The following ABCC4 variants were observed in gnomAD, a reference collection of about 807,000 sequenced individuals.
ABCC4 encodes ATP binding cassette subfamily C member 4 (PEL blood group), also known as ATP-binding cassette sub-family C member 4.
Under a neutral mutation model 168.5 loss-of-function variants are expected in ABCC4, and 102 were observed. The ratio of observed to expected loss-of-function variants is 0.61; its 90% CI spans 0.52 to 0.71. ABCC4 has a LOEUF of 0.71. Among genes scored for constraint, ABCC4 ranks in the 30% least tolerant of loss-of-function variants. ABCC4 has a pLI of 0.00. For missense variants in ABCC4, 1,402 were observed against 1,605.8 expected (o/e 0.87, Z 2.17); for synonymous variants, 617 against 590.7 (o/e 1.04, Z -0.65).
chr13:95,243,718 C>G (rs1035390690), intron 3 of ABCC4, among the ~76,000 whole-genome samples: 3 of 152,006 alleles, frequency 2.0e-5, no homozygotes, highest in Non-Finnish European at 4.4e-5. Context: ...AAAACCTCAT[C>G]TCTACTAAAA....
At chr13:95,226,669 A>T (rs1422068753) in intron 4 of ABCC4, among the ~76,000 whole-genome samples, 3 of 151,982 alleles carry the variant, frequency 2.0e-5, no homozygotes, top group Non-Finnish European at 2.9e-5. Flanking sequence ...CTCAATCTCT[A>T]CCCTTGCCAA....
intron 18 of ABCC4, 94 bp from the exon 19 acceptor site, chr13:95,161,429 A>C: frequency 9.9e-7 from 1 of 1,012,548 alleles, no homozygotes; most frequent in Non-Finnish European, 1.4e-6. Flanking sequence ...TAAAGATGTT[A>C]CTTAATTTAT....
rs186313698 is a variant in ABCC4 at position 95,138,758 on chromosome 13, C to G, written c.2455+22431G>C. 3.3e-5 allele frequency among the ~76,000 whole-genome samples: 5 copies of G among 152,368 alleles called. No individual in the cohort carries two copies. In the East Asian group the frequency reaches 9.6e-4, roughly 29 times the overall value. On this transcript the variant is annotated intron_variant, in intron 19 of 30. Coordinates refer to ENST00000645237, the MANE Select transcript of ABCC4 (RefSeq NM_005845.5). ...GGCAAGCACCGAAAGGTGACGTTAT[C>G]AGGCATCCATTTTACTGAAGACAAA...
rs188901241 is a variant in ABCC4 at position 95,252,047 on chromosome 13, C to T, written c.75-4294G>A. Among the ~76,000 whole-genome samples, 15 of 152,192 alleles carry T rather than the reference C, an allele frequency of 9.9e-5. No homozygotes were observed. In the East Asian group the frequency reaches 2.3e-3, roughly 24 times the overall value. ...TTAGTCATTTAGTAGCCACCCTGGG[C>T]GCTCAGATCTATTGTCATGGCATCA... is the stretch of plus-strand genomic sequence containing the variant. On this transcript the variant is annotated intron_variant, in intron 1 of 30. Coordinates refer to ENST00000645237, the MANE Select transcript of ABCC4 (RefSeq NM_005845.5).
At chr13:95,255,153 G>A (rs1055392999) in intron 1 of ABCC4, among the ~76,000 whole-genome samples, 8 of 152,250 alleles carry the variant, frequency 5.3e-5, no homozygotes, top group Admixed American at 2.0e-4. Context: ...GTGCAAATGT[G>A]CATTTTCTCG....
chr13:95,248,195 C>G (rs775014604), intron 1 of ABCC4, among the ~76,000 whole-genome samples: 2 of 152,152 alleles, frequency 1.3e-5, no homozygotes, highest in Non-Finnish European at 2.9e-5. Flanking sequence ...TCCCACTAGA[C>G]AAGTCTGTGA....
intron 25 of ABCC4, among the ~76,000 whole-genome samples, chr13:95,071,125 C>T (rs1233620173): frequency 2.6e-5 from 4 of 152,120 alleles, no homozygotes; most frequent in East Asian, 3.9e-4. Flanking sequence ...ACTTGCTCCT[C>T]CTTGCCTGCC....
chr13:95,207,983 C>A, intron 6 of ABCC4, 58 bp from the exon 7 acceptor site: 2 of 1,573,704 alleles, frequency 1.3e-6, no homozygotes, highest in Non-Finnish European at 1.7e-6. Flanking sequence ...CCCTTATCAG[C>A]GGCAGGCACA....
chr13:95,267,602 G>C (rs1704000244), intron 1 of ABCC4, among the ~76,000 whole-genome samples: 1 of 152,182 alleles, frequency 6.6e-6, no homozygotes, highest in South Asian at 2.1e-4. Flanking sequence ...TGAAGAGTAA[G>C]GAGTGGAGGG....
chr13:95,036,314 G>A (rs2139226320), intron 29 of ABCC4, among the ~76,000 whole-genome samples: 1 of 152,254 alleles, frequency 6.6e-6, no homozygotes, highest in East Asian at 1.9e-4. Context: ...GAGTGAGTGA[G>A]TTCTCTGTAA....
chr13:95,262,655 C>T (rs1262314441), intron 1 of ABCC4, among the ~76,000 whole-genome samples: 8 of 147,652 alleles, frequency 5.4e-5, no homozygotes, highest in Non-Finnish European at 3.0e-5. Flanking sequence ...TTTCCCAAGA[C>T]GGAGTCTCAC....
In ABCC4 at chr13:95,187,344, C is replaced by A. The variant is rs190072811; in HGVS notation, c.1354-452G>T. ...TCCTGGCCAGGTGCAGTGGCTCACG[C>A]CTGTAATCCCAGCACTTTGGGAGGC... On this transcript the variant is annotated intron_variant, in intron 10 of 30. Transcript: ENST00000645237. Among the ~76,000 whole-genome samples, 225 of 152,346 alleles carry A rather than the reference C, an allele frequency of 1.5e-3. 1 individual carries two copies. Among genetic ancestry groups the A allele is most frequent in the African/African-American group, 5.2e-3 (218 of 41,576 alleles).
At chr13:95,263,956 A>G (rs2040601791) in intron 1 of ABCC4, among the ~76,000 whole-genome samples, 1 of 152,232 alleles carries the variant, frequency 6.6e-6, no homozygotes, top group African/African-American at 2.4e-5. Context: ...TCGGGGCAGA[A>G]GAAGTACAAG....
intron 3 of ABCC4, among the ~76,000 whole-genome samples, 158 bp from the exon 4 acceptor site, chr13:95,234,992 GC>G (rs2039726445): frequency 1.3e-5 from 2 of 151,978 alleles, no homozygotes; most frequent in South Asian, 4.2e-4. Context: ...CCTAACTCAA[GC>G]AATCCTCACA....
chr13:95,215,372 G>A (rs2039081689), intron 4 of ABCC4, among the ~76,000 whole-genome samples: 1 of 152,044 alleles, frequency 6.6e-6, no homozygotes, highest in African/African-American at 2.4e-5. Context: ...CTCCACTCCA[G>A]CCGGGGTGAC....
intron 19 of ABCC4, among the ~76,000 whole-genome samples, chr13:95,148,152 CAAAA>C (rs1311256347): frequency 1.3e-5 from 2 of 151,954 alleles, no homozygotes; most frequent in African/African-American, 4.8e-5. Context: ...CTCAATTAGT[CAAAA>C]AAATCAATTT....
intron 1 of ABCC4, among the ~76,000 whole-genome samples, chr13:95,254,972 T>A (rs749446853): frequency 2.6e-5 from 4 of 152,206 alleles, no homozygotes; most frequent in Non-Finnish European, 4.4e-5. Context: ...TTACCTATTT[T>A]AACATATTTA....
At chr13:95,090,012 C>T (rs2034380353) in intron 20 of ABCC4, among the ~76,000 whole-genome samples, 1 of 152,156 alleles carries the variant, frequency 6.6e-6, no homozygotes, top group African/African-American at 2.4e-5. Context: ...TCTGGATCGA[C>T]TTCAAGAACA....
At chr13:95,256,858 A>G (rs992482932) in intron 1 of ABCC4, among the ~76,000 whole-genome samples, 2 of 152,226 alleles carry the variant, frequency 1.3e-5, no homozygotes, top group Non-Finnish European at 2.9e-5. Flanking sequence ...TTCATCTCTC[A>G]TAAGAGATGA....
Sources: allele counts gnomAD v4.1 joint callset (sites outside exome capture counted in the v4.1 genomes callset), GRCh38; gene constraint gnomAD v4.1.1; transcripts MANE v1.5; gene names NCBI Gene and HGNC (gene_info 2026-07-23, HGNC 2026-07-21).